The following FAM24B variants were observed in gnomAD, a reference collection of about 807,000 sequenced individuals.
FAM24B encodes protein FAM24B.
A neutral mutation model predicts 2.3 loss-of-function variants in FAM24B; 3 were observed. The observed-to-expected ratio is 1.29, with a 90% confidence interval of 0.59 to 3.32. The LOEUF (loss-of-function observed/expected upper bound fraction) is 3.32. FAM24B is among the 30% of genes most tolerant of loss of function. The pLI, the probability that FAM24B is intolerant of heterozygous loss-of-function variation, is 0.03. For missense variants in FAM24B, 98 were observed against 117.2 expected, an observed-to-expected ratio of 0.84 and a Z score of 0.76; for synonymous variants, 36 against 46.3, an observed-to-expected ratio of 0.78 and a Z score of 0.90.
At chr10:122,879,636 T>C (rs1020324558), upstream of FAM24B, 1 of 153,828 alleles carries the variant, frequency 6.5e-6, no homozygotes, top group Non-Finnish European at 1.4e-5. Flanking sequence ...CCAGTGCGCA[T>C]GCTCCGCTCT....
chr10:122,863,969 G>C (rs779506407), intron 1 of FAM24B, among the ~76,000 whole-genome samples: 8 of 152,168 alleles, frequency 5.3e-5, no homozygotes, highest in Non-Finnish European at 1.2e-4. Flanking sequence ...AAGGGACAAG[G>C]GCCCATGATC....
chr10:122,870,016 C>T (rs948908840), intron 1 of FAM24B, among the ~76,000 whole-genome samples: 2 of 151,934 alleles, frequency 1.3e-5, no homozygotes, highest in Non-Finnish European at 2.9e-5. Context: ...TTGAAAAGAT[C>T]AACAAAATTG....
chr10:122,868,041 G>GA (rs1400699671), intron 1 of FAM24B, among the ~76,000 whole-genome samples: 52 of 152,004 alleles, frequency 3.4e-4, no homozygotes, highest in African/African-American at 1.2e-3. Flanking sequence ...TAAAAACTTT[G>GA]AAAAAAATTA....
intron 1 of FAM24B, among the ~76,000 whole-genome samples, chr10:122,856,383 C>G (rs1244132490): frequency 6.6e-6 from 1 of 151,954 alleles, no homozygotes; most frequent in Non-Finnish European, 1.5e-5. Flanking sequence ...CCCCGTGTAG[C>G]AAACAAGCAA....
At chr10:122,864,784 C>A (rs1369686662) in intron 1 of FAM24B, among the ~76,000 whole-genome samples, 1 of 152,162 alleles carries the variant, frequency 6.6e-6, no homozygotes, top group African/African-American at 2.4e-5. Flanking sequence ...TGTAGTGTTG[C>A]CTTATCCAGA....
At chr10:122,873,089 T>C (rs964839729) in intron 1 of FAM24B, among the ~76,000 whole-genome samples, 12 of 152,162 alleles carry the variant, frequency 7.9e-5, no homozygotes, top group African/African-American at 2.9e-4. Flanking sequence ...CTAGCTAGGA[T>C]AATTCATGAA....
chr10:122,866,367 T>G (rs1847804502), intron 1 of FAM24B, among the ~76,000 whole-genome samples: 1 of 152,054 alleles, frequency 6.6e-6, no homozygotes, highest in Non-Finnish European at 1.5e-5. Context: ...TTTGTCAATT[T>G]CATTGATTTT....
intron 1 of FAM24B, among the ~76,000 whole-genome samples, chr10:122,859,489 G>A (rs1847694404): frequency 6.6e-6 from 1 of 152,146 alleles, no homozygotes. Context: ...TCTTGATCCT[G>A]GAGGATCAAA....
intron 2 of FAM24B, among the ~76,000 whole-genome samples, chr10:122,852,179 A>G (rs757747515): frequency 1.1e-4 from 17 of 152,344 alleles, no homozygotes; most frequent in Middle Eastern, 6.8e-3. Flanking sequence ...GGCTGAATAA[A>G]AGCTGAATCA....
chr10:122,871,270 C>T (rs1289181762), intron 1 of FAM24B, among the ~76,000 whole-genome samples: 1 of 151,890 alleles, frequency 6.6e-6, no homozygotes, highest in African/African-American at 2.4e-5. Flanking sequence ...CAAACCACTG[C>T]TCAATGAAAT....
At chr10:122,850,758 T>C in intron 2 of FAM24B, 1 of 451,664 alleles carries the variant, frequency 2.2e-6, no homozygotes, top group African/African-American at 2.0e-5. Context: ...AGTTTGTCAA[T>C]GAAAAGGAAT....
chr10:122,850,412 C>A lies in FAM24B; in HGVS notation c.92+12G>T, dbSNP rs1374956237. On this transcript the variant is annotated intron_variant, in intron 3 of 3. Coordinates refer to ENST00000368898, the MANE Select transcript of FAM24B (RefSeq NM_152644.3). ...ACTTTAGTACGTTGTTTATTTTGAA[C>A]TTGTGACTCACTTTAGCGCGTTGTG... The A allele has an allele frequency of 6.2e-7, 1 of 1,610,172 alleles. No individual in the cohort carries two copies. The highest frequency in any genetic ancestry group is 2.2e-5 in the East Asian group (1 of 44,860).
chr10:122,873,933 T>C (rs1018696890), intron 1 of FAM24B, among the ~76,000 whole-genome samples: 3 of 152,232 alleles, frequency 2.0e-5, no homozygotes, highest in African/African-American at 7.2e-5. Context: ...TTTCAAGTAT[T>C]TTCCTGTTAC....
At chr10:122,854,705 T>C (rs1039687463) in intron 2 of FAM24B, among the ~76,000 whole-genome samples, 3 of 152,190 alleles carry the variant, frequency 2.0e-5, no homozygotes, top group Non-Finnish European at 4.4e-5. Flanking sequence ...TGGCAAAAGG[T>C]AGGCAGCAAC....
At chr10:122,849,509 G>T in intron 3 of FAM24B, 70 bp from the exon 4 acceptor site, 4 of 1,390,920 alleles carry the variant, frequency 2.9e-6, no homozygotes, top group Non-Finnish European at 3.9e-6. Context: ...AGAACTGTTG[G>T]GGGGTATCTG....
At chr10:122,849,788 G>C (rs1448439305) in intron 3 of FAM24B, among the ~76,000 whole-genome samples, 2 of 151,886 alleles carry the variant, frequency 1.3e-5, no homozygotes, top group Non-Finnish European at 2.9e-5. Flanking sequence ...TTAGAATGGG[G>C]ACACAATTGC....
chr10:122,858,296 C>T (rs549895116), intron 1 of FAM24B, among the ~76,000 whole-genome samples: 20 of 151,846 alleles, frequency 1.3e-4, no homozygotes, highest in Non-Finnish European at 2.5e-4. Context: ...AGCAAACTAT[C>T]GCAAGGACAA....
chr10:122,872,247 T>C (rs1030683495), intron 1 of FAM24B, among the ~76,000 whole-genome samples: 2 of 152,160 alleles, frequency 1.3e-5, no homozygotes, highest in Admixed American at 1.3e-4. Context: ...TACCACCTCA[T>C]ACCAGTTAGA....
chr10:122,867,440 G>A, intron 1 of FAM24B, among the ~76,000 whole-genome samples: 1 of 152,212 alleles, frequency 6.6e-6, no homozygotes, highest in South Asian at 2.1e-4. Context: ...TTTGAAGAGA[G>A]TAGTGGTTCT....
Sources: allele counts gnomAD v4.1 joint callset (sites outside exome capture counted in the v4.1 genomes callset), GRCh38; gene constraint gnomAD v4.1.1; transcripts MANE v1.5; gene names NCBI Gene and HGNC (gene_info 2026-07-23, HGNC 2026-07-21).